The following FILIP1L variants were observed in gnomAD, a reference collection of about 807,000 sequenced individuals.
FILIP1L encodes filamin A interacting protein 1 like, also known as filamin A-interacting protein 1-like.
Under a neutral mutation model 96.6 loss-of-function variants are expected in FILIP1L, and 55 were observed. The observed-to-expected ratio is 0.57, with a 90% confidence interval of 0.46 to 0.71. The LOEUF (loss-of-function observed/expected upper bound fraction) is 0.71. Among genes scored for constraint, FILIP1L ranks in the 30% least tolerant of loss-of-function variants. The pLI is 0.00. For missense variants in FILIP1L, 1,304 were observed against 1,321.2 expected (o/e 0.99, Z 0.20); for synonymous variants, 467 against 473.9 (o/e 0.99, Z 0.19).
At chr3:99,958,575 G>A (rs1022576332) in intron 1 of FILIP1L, among the ~76,000 whole-genome samples, 1 of 152,170 alleles carries the variant, frequency 6.6e-6, no homozygotes, top group Non-Finnish European at 1.5e-5. Flanking sequence ...ATGGTCACAT[G>A]GGTCTACGGT....
chr3:99,951,488 T>C (rs1708175660), intron 1 of FILIP1L, among the ~76,000 whole-genome samples: 1 of 152,198 alleles, frequency 6.6e-6, no homozygotes, highest in Non-Finnish European at 1.5e-5. Flanking sequence ...GATTTTGTTT[T>C]AGTCCAGTCT....
At chr3:100,049,224 C>T (rs930350276) in intron 1 of FILIP1L, among the ~76,000 whole-genome samples, 3 of 152,150 alleles carry the variant, frequency 2.0e-5, no homozygotes, top group African/African-American at 7.2e-5. Flanking sequence ...GGCAATAAAT[C>T]ATGGTAACAA....
At chr3:99,847,467 C>G (rs1252783704) in intron 5 of FILIP1L, among the ~76,000 whole-genome samples, 2 of 151,812 alleles carry the variant, frequency 1.3e-5, no homozygotes, top group Non-Finnish European at 2.9e-5. Flanking sequence ...GAAATACAGT[C>G]AACTCTTGAT....
intron 1 of FILIP1L, among the ~76,000 whole-genome samples, chr3:100,106,547 A>G (rs937844784): frequency 2.0e-5 from 3 of 152,208 alleles, no homozygotes; most frequent in Non-Finnish European, 4.4e-5. Flanking sequence ...AGAAAGGTTG[A>G]GAGCTGGAGA....
intron 1 of FILIP1L, among the ~76,000 whole-genome samples, chr3:100,033,940 T>A (rs1037585164): frequency 6.6e-6 from 1 of 152,226 alleles, no homozygotes; most frequent in Admixed American, 6.5e-5. Flanking sequence ...CCAGCCTTTT[T>A]ATATATGAAT....
At chr3:99,964,809 C>A (rs73138610) in intron 1 of FILIP1L, among the ~76,000 whole-genome samples, 22 of 152,014 alleles carry the variant, frequency 1.4e-4, no homozygotes, top group African/African-American at 5.1e-4. Context: ...GGGATCATAC[C>A]TTCACACACC....
chr3:99,897,866 G>A (rs1438715815), intron 4 of FILIP1L, among the ~76,000 whole-genome samples: 1 of 152,074 alleles, frequency 6.6e-6, no homozygotes, highest in East Asian at 1.9e-4. Context: ...AAATATATGT[G>A]GTAAAACAAA....
chr3:99,976,705 A>T (rs528086928), intron 1 of FILIP1L, among the ~76,000 whole-genome samples: 59 of 152,132 alleles, frequency 3.9e-4, no homozygotes, highest in African/African-American at 1.3e-3. Context: ...TTTCAATATG[A>T]TAGGATTTTA....
chr3:99,920,746 G>T (rs189757825), intron 4 of FILIP1L, among the ~76,000 whole-genome samples: 52 of 152,224 alleles, frequency 3.4e-4, no homozygotes, highest in Admixed American at 3.1e-3. Flanking sequence ...TGAGCTCAAT[G>T]TGTGACATCA....
At chr3:100,006,792 G>A (rs539156570) in intron 1 of FILIP1L, among the ~76,000 whole-genome samples, 1 of 152,284 alleles carries the variant, frequency 6.6e-6, no homozygotes, top group South Asian at 2.1e-4. Flanking sequence ...AATAATTGCG[G>A]CATGTCAGCC....
At chr3:99,846,671 C>T (rs1559654002) in intron 5 of FILIP1L, among the ~76,000 whole-genome samples, 1 of 152,142 alleles carries the variant, frequency 6.6e-6, no homozygotes, top group Non-Finnish European at 1.5e-5. Context: ...TGTTGCAGTT[C>T]GTCACCATGG....
At chr3:99,853,324 C>G (rs1943798170) in intron 4 of FILIP1L, among the ~76,000 whole-genome samples, 1 of 152,210 alleles carries the variant, frequency 6.6e-6, no homozygotes, top group Non-Finnish European at 1.5e-5. Context: ...CACCACAGTT[C>G]TTACAGTTTT....
intron 3 of FILIP1L, among the ~76,000 whole-genome samples, chr3:99,929,202 A>G (rs186132142): frequency 4.5e-4 from 69 of 152,354 alleles, no homozygotes; most frequent in Non-Finnish European, 9.4e-4. Context: ...TCAGCAAGTA[A>G]AAGAGCAAGC....
chr3:100,049,868 A>C (rs2065340259), intron 1 of FILIP1L, among the ~76,000 whole-genome samples: 1 of 152,222 alleles, frequency 6.6e-6, no homozygotes, highest in African/African-American at 2.4e-5. Flanking sequence ...TTTATCAATA[A>C]GGCTTCTGGT....
chr3:99,851,833 A>G (rs1576512834), intron 4 of FILIP1L, among the ~76,000 whole-genome samples: 2 of 152,348 alleles, frequency 1.3e-5, no homozygotes, highest in African/African-American at 2.4e-5. Context: ...ACTACTTCAC[A>G]TATATCTTAT....
intron 1 of FILIP1L, among the ~76,000 whole-genome samples, chr3:100,077,396 C>G (rs2065866773): frequency 6.6e-6 from 1 of 152,136 alleles, no homozygotes; most frequent in Admixed American, 6.5e-5. Context: ...GGACAGCAAC[C>G]AGTTTAAAAA....
At chr3:99,838,256 C>G (rs1164913497) in intron 5 of FILIP1L, among the ~76,000 whole-genome samples, 1 of 152,222 alleles carries the variant, frequency 6.6e-6, no homozygotes, top group Non-Finnish European at 1.5e-5. Context: ...CTTCCCCGTG[C>G]CTGCCCATTT....
chr3:99,858,220 C>T lies in FILIP1L; in HGVS notation c.606-7150G>A, dbSNP rs1374821522. 3.9e-5 allele frequency among the ~76,000 whole-genome samples: 6 copies of T among 152,174 alleles called. No homozygotes were observed. In the East Asian group the frequency reaches 1.2e-3, roughly 29 times the overall value. On this transcript the variant is annotated intron_variant, in intron 4 of 5. Coordinates refer to ENST00000477258, the MANE Select transcript of FILIP1L (RefSeq NM_001387850.1). The stretch of plus-strand genomic sequence containing the variant: ...GTGGCTCACACCTATAATCCCAGCA[C>T]TTTGGGAGGCTGAGGCAGGCGGATC...
chr3:100,024,325 G>C (rs1362952566), intron 1 of FILIP1L, among the ~76,000 whole-genome samples: 1 of 152,054 alleles, frequency 6.6e-6, no homozygotes, highest in Non-Finnish European at 1.5e-5. Context: ...TTATACCTTA[G>C]TGATTGCATT....
Sources: allele counts gnomAD v4.1 joint callset (sites outside exome capture counted in the v4.1 genomes callset), GRCh38; gene constraint gnomAD v4.1.1; transcripts MANE v1.5; gene names NCBI Gene and HGNC (gene_info 2026-07-23, HGNC 2026-07-21).